The following ZSWIM6 variants were observed in gnomAD, a reference collection of about 807,000 sequenced individuals.
ZSWIM6 encodes zinc finger SWIM-type containing 6, also known as zinc finger SWIM domain-containing protein 6.
A neutral mutation model predicts 113.2 loss-of-function variants in ZSWIM6; 9 were observed. That is an observed-to-expected ratio of 0.08 (90% CI 0.05 to 0.14). The LOEUF (loss-of-function observed/expected upper bound fraction) is 0.14. Ranked by LOEUF, ZSWIM6 falls within the 10% of genes least tolerant of loss-of-function variation. The probability of loss-of-function intolerance (pLI) is 1.00; values close to 1 mark genes in which losing one functional copy is unlikely to be tolerated. For synonymous variants in ZSWIM6, 611 were observed against 606.5 expected (o/e 1.01, Z -0.11); for missense variants, 1,162 against 1,552.2 (o/e 0.75, Z 4.22).
At chr5:61,504,877 C>T (rs1748559038) in intron 4 of ZSWIM6, among the ~76,000 whole-genome samples, 1 of 152,138 alleles carries the variant, frequency 6.6e-6, no homozygotes, top group Non-Finnish European at 1.5e-5. Context: ...GGCTCTGCTA[C>T]TGTGGAGCTT....
chr5:61,500,158 G>A (rs945964710), intron 4 of ZSWIM6, among the ~76,000 whole-genome samples: 4 of 148,328 alleles, frequency 2.7e-5, no homozygotes, highest in South Asian at 2.2e-4. Flanking sequence ...AGACAGAGTC[G>A]CTGTGTCGCC....
intron 1 of ZSWIM6, among the ~76,000 whole-genome samples, chr5:61,471,016 A>C (rs549275394): frequency 3.3e-5 from 5 of 152,200 alleles, no homozygotes; most frequent in Non-Finnish European, 7.3e-5. Flanking sequence ...TGAGTTTTAC[A>C]TCTGCAGCTC....
At chr5:61,429,567 T>A (rs1275888450) in intron 1 of ZSWIM6, among the ~76,000 whole-genome samples, 2 of 152,074 alleles carry the variant, frequency 1.3e-5, no homozygotes, top group Admixed American at 6.6e-5. Context: ...GGCGTTAGAG[T>A]GCAATATGAG....
chr5:61,442,156 TAA>T (rs1746852461), intron 1 of ZSWIM6, among the ~76,000 whole-genome samples: 1 of 152,082 alleles, frequency 6.6e-6, no homozygotes, highest in South Asian at 2.1e-4. Context: ...GTGATCTGGT[TAA>T]GTTTCAGTTC....
At chr5:61,452,120 G>T (rs1747097916) in intron 1 of ZSWIM6, among the ~76,000 whole-genome samples, 1 of 152,010 alleles carries the variant, frequency 6.6e-6, no homozygotes, top group Non-Finnish European at 1.5e-5. Context: ...TGAGCTTTGA[G>T]TCAATCATTT....
intron 1 of ZSWIM6, among the ~76,000 whole-genome samples, chr5:61,395,147 C>A (rs892087415): frequency 1.3e-5 from 2 of 152,242 alleles, no homozygotes; most frequent in South Asian, 2.1e-4. Context: ...ATCCTCCTTT[C>A]AGTGCTCTCA....
rs746535535 is a variant in ZSWIM6 at position 61,530,195 on chromosome 5, A to G, written c.1981A>G (p.Thr661Ala). The G allele has an allele frequency of 2.6e-6, 4 of 1,549,954 alleles. No homozygotes were observed. In the South Asian group the frequency reaches 4.8e-5, roughly 18 times the overall value. The change falls in exon 8 of 14, where the codon ACA becomes GCA. Residue 661 changes from threonine (T) to alanine (A), a missense_variant. Transcript: ENST00000252744. Reference sequence around the variant, plus strand: ...GAACCTCTCTGGGTTCTCAGATTTTACAGGTAAAACCATTGACATTTGTCT... The same window carrying G: ...GAACCTCTCTGGGTTCTCAGATTTTGCAGGTAAAACCATTGACATTTGTCT... ...DENLSGFSDF[T>A]ENMGQCKSLE...
chr5:61,395,840 G>C (rs969998032), intron 1 of ZSWIM6, among the ~76,000 whole-genome samples: 1 of 152,096 alleles, frequency 6.6e-6, no homozygotes, highest in African/African-American at 2.4e-5. Context: ...ATGTAGTAAA[G>C]AAAATTGCTT....
rs1317426621 is a variant in ZSWIM6, at chr5:61,332,690, G to C, written c.418G>C (p.Asp140His). 3 of 1,020,872 alleles carry C rather than the reference G, an allele frequency of 2.9e-6. No individual in the cohort carries two copies. The highest frequency in any genetic ancestry group is 1.2e-4 in the Admixed American group (2 of 16,980). The allele number at this position is 1,020,872 out of a possible 1,614,324, so 63.2% of individuals were successfully genotyped here. A position where few individuals can be genotyped will look rare whatever the true frequency, so the allele number is the denominator to read the frequency against. The change falls in exon 1 of 14, where the codon GAC becomes CAC. Residue 140 changes from aspartate (D) to histidine (H), a missense_variant. Around this residue, in one of 4 missense-constraint regions of ZSWIM6, gnomAD observed 333 missense variants for 293.4 expected, o/e 1.13. Transcript: ENST00000252744. ...GGGAAGGPGD[D>H]SGGGGGAGGG... ...CGGCGCCGCGGGCGGCCCCGGCGACGACAGCGGTGGCGGCGGCGGCGCGGG... is the reference window on the plus strand; with the variant it reads ...CGGCGCCGCGGGCGGCCCCGGCGACCACAGCGGTGGCGGCGGCGGCGCGGG...
chr5:61,403,564 C>T (rs1226824995), intron 1 of ZSWIM6, among the ~76,000 whole-genome samples: 1 of 152,158 alleles, frequency 6.6e-6, no homozygotes, highest in Non-Finnish European at 1.5e-5. Flanking sequence ...GGTGCCTCAT[C>T]ACATGGAGGC....
Position 61,332,324 on chromosome 5 carries a change from C to T in ZSWIM6, c.52C>T (p.Pro18Ser), listed in dbSNP as rs1744264727. 1.0e-5 allele frequency: 12 copies of T among 1,152,744 alleles called. No individual in the cohort carries two copies. Among genetic ancestry groups the T allele is most frequent in the Non-Finnish European group, 1.3e-5 (12 of 939,566 alleles). The allele number at this position is 1,152,744 out of a possible 1,614,324, so 71.4% of individuals were successfully genotyped here. A position where few individuals can be genotyped will look rare whatever the true frequency, so the allele number is the denominator to read the frequency against. ...PPPAKRLCCRPGGGGGGGGSS... is the reference protein window; with the variant it reads ...PPPAKRLCCRSGGGGGGGGSS... Reference sequence around the variant, plus strand: ...TCCCGCGAAACGGCTTTGCTGCCGGCCGGGCGGCGGCGGCGGCGGCGGGGG... The same window carrying T: ...TCCCGCGAAACGGCTTTGCTGCCGGTCGGGCGGCGGCGGCGGCGGCGGGGG... Residue 18 changes from proline to serine, a missense_variant, in exon 1 of 14, where the codon CCG becomes TCG. Coordinates refer to ENST00000252744, the MANE Select transcript of ZSWIM6 (RefSeq NM_020928.2).
Position 61,391,182 on chromosome 5 carries a change from C to T in ZSWIM6, c.676+58234C>T. 7 of 827,404 alleles carry T rather than the reference C, an allele frequency of 8.5e-6. No homozygotes were observed. In the South Asian group the frequency reaches 9.3e-5, roughly 11 times the overall value. The allele number at this position is 827,404 out of a possible 1,614,324, so 51.3% of individuals were successfully genotyped here. A position where few individuals can be genotyped will look rare whatever the true frequency, so the allele number is the denominator to read the frequency against. On this transcript the variant is annotated intron_variant, in intron 1 of 13. Coordinates refer to ENST00000252744, the MANE Select transcript of ZSWIM6 (RefSeq NM_020928.2). ...TCTTGGTGTGCCAACGACTGGTGAC[C>T]CCTTTGTAGCCATTGCCCTTGGTCA...
At chr5:61,406,901 C>T (rs746332922) in intron 1 of ZSWIM6, among the ~76,000 whole-genome samples, 1 of 151,986 alleles carries the variant, frequency 6.6e-6, no homozygotes, top group East Asian at 1.9e-4. Flanking sequence ...TTAGTAGAGA[C>T]GGTGTTTTGC....
chr5:61,370,375 T>G (rs1173451820), intron 1 of ZSWIM6, among the ~76,000 whole-genome samples: 1 of 152,232 alleles, frequency 6.6e-6, no homozygotes, highest in East Asian at 1.9e-4. Flanking sequence ...AGTCACTATT[T>G]TAGTGTTTTT....
At chr5:61,502,045 G>A (rs1748482604) in intron 4 of ZSWIM6, among the ~76,000 whole-genome samples, 1 of 152,124 alleles carries the variant, frequency 6.6e-6, no homozygotes, top group African/African-American at 2.4e-5. Flanking sequence ...GGGTGGAGGG[G>A]GAGAGCGAGA....
Position 61,544,199 on chromosome 5 carries a change from A to G in ZSWIM6, c.3530A>G (p.Glu1177Gly). ...EFIEFLSKAR[E>G]TFLMAHDGHI... ...ATAGAGTTCCTCAGCAAAGCCCGAGAGACCTTCTTAATGGCGCATGATGGA... is the reference window on the plus strand; with the variant it reads ...ATAGAGTTCCTCAGCAAAGCCCGAGGGACCTTCTTAATGGCGCATGATGGA... The change falls in exon 14 of 14, where the codon GAG (glutamate) becomes GGG (glycine). Residue 1177 changes from glutamate (E) to glycine (G), a missense_variant. Transcript: ENST00000252744. 3 of 1,551,698 alleles carry G rather than the reference A, an allele frequency of 1.9e-6. No homozygotes were observed. Among genetic ancestry groups the G allele is most frequent in the Non-Finnish European group, 2.6e-6 (3 of 1,146,982 alleles).
chr5:61,341,315 C>T (rs970543713), intron 1 of ZSWIM6, among the ~76,000 whole-genome samples: 1 of 152,166 alleles, frequency 6.6e-6, no homozygotes, highest in Non-Finnish European at 1.5e-5. Flanking sequence ...CACCTGCTAC[C>T]TTGAACTGGA....
At chr5:61,417,403 T>C (rs1328660834) in intron 1 of ZSWIM6, among the ~76,000 whole-genome samples, 1 of 152,162 alleles carries the variant, frequency 6.6e-6, no homozygotes, top group Non-Finnish European at 1.5e-5. Context: ...TTAGTATAAA[T>C]AGATGCAGGT....
chr5:61,526,976 C>T (rs188378072), intron 7 of ZSWIM6, among the ~76,000 whole-genome samples: 77 of 152,318 alleles, frequency 5.1e-4, no homozygotes, highest in Non-Finnish European at 2.9e-5. Context: ...ATAATTTGTA[C>T]ATCAGGACAT....
Sources: allele counts gnomAD v4.1 joint callset (sites outside exome capture counted in the v4.1 genomes callset), GRCh38; gene constraint gnomAD v4.1.1; regional missense constraint gnomAD v4.1.1; transcripts MANE v1.5; gene names NCBI Gene and HGNC (gene_info 2026-07-23, HGNC 2026-07-21).